The following SNRPD2 variants were observed in gnomAD, a reference collection of about 807,000 sequenced individuals.
SNRPD2 encodes the protein small nuclear ribonucleoprotein D2 polypeptide.
A neutral mutation model predicts 11.5 loss-of-function variants in SNRPD2; 1 was observed. That is an observed-to-expected ratio of 0.09 (90% CI 0.03 to 0.41). SNRPD2 has a LOEUF of 0.41. Ranked by LOEUF, SNRPD2 falls within the 10% of genes least tolerant of loss-of-function variation. SNRPD2 has a pLI of 0.98. For missense variants in SNRPD2, 77 were observed against 154.9 expected, an observed-to-expected ratio of 0.50 and a Z score of 2.67; for synonymous variants, 63 against 61.5, an observed-to-expected ratio of 1.02 and a Z score of -0.12.
rs1967451866 is a variant in SNRPD2 at position 45,687,938 on chromosome 19, T to G, written c.183-211A>C. On this transcript the variant is annotated intron_variant, in intron 2 of 2. Coordinates refer to ENST00000342669, the MANE Select transcript of SNRPD2 (RefSeq NM_001384647.1). This position sits in a 1 kb window ranked among gnomAD's most constrained non-coding sequence, Gnocchi z 4.1. ...CACCTCTCTGTGCCAGTTTGCTCCT[T>G]TTTAAGAGGGAAGATAATCACGTTA... Among the ~76,000 whole-genome samples, 2 of 152,186 alleles carry G rather than the reference T, an allele frequency of 1.3e-5. No individual in the cohort carries two copies. The highest frequency in any genetic ancestry group is 4.1e-4 in the South Asian group (2 of 4,834).
At position 45,691,872 on chromosome 19, in the gene SNRPD2, C is replaced by T; in HGVS notation, c.2+15G>A. On this transcript the variant is annotated intron_variant, in intron 1 of 2. Transcript: ENST00000342669. ...TCAACCTCATTCCCGCCGCCTAAGC[C>T]TAGCCCGGCCTCACATGATGGTCAC... is the stretch of plus-strand genomic sequence containing the variant. 6.2e-7 allele frequency: 1 copy of T among 1,614,184 alleles called. No individual in the cohort carries two copies. Among genetic ancestry groups the T allele is most frequent in the Non-Finnish European group, 8.5e-7 (1 of 1,180,012 alleles).
chr19:45,691,693 G>C lies in SNRPD2; in HGVS notation c.2+194C>G. The C allele has an allele frequency of 2.4e-5, 17 of 720,158 alleles. 1 individual carries two copies. The Admixed American group carries it at 2.5e-4, about 11-fold the overall frequency. 44.6% of individuals were successfully genotyped at this position (720,158 alleles called of 1,614,324 possible). On this transcript the variant is annotated intron_variant, in intron 1 of 2. Transcript: ENST00000342669. Reference sequence around the variant, plus strand: ...GCCCAGGGCGTTATCTGATAAAGCTGTCCCCTCTCCCGAAGTCACGATGCG... The same window carrying C: ...GCCCAGGGCGTTATCTGATAAAGCTCTCCCCTCTCCCGAAGTCACGATGCG...
chr19:45,689,023 G>A (rs183292553), intron 1 of SNRPD2, among the ~76,000 whole-genome samples: 15 of 152,196 alleles, frequency 9.9e-5, no homozygotes, highest in Admixed American at 7.2e-4. Flanking sequence ...GTGAGCCACC[G>A]TGCCCAGCCA....
chr19:45,688,275 G>T lies in SNRPD2; in HGVS notation c.182+112C>A. 1.1e-6 allele frequency: 1 copy of T among 895,320 alleles called. No homozygotes were observed. Among genetic ancestry groups the T allele is most frequent in the Non-Finnish European group, 1.7e-6 (1 of 572,574 alleles). 55.5% of individuals were successfully genotyped at this position (895,320 alleles called of 1,614,324 possible). A position where few individuals can be genotyped will look rare whatever the true frequency, so the allele number is the denominator to read the frequency against. On this transcript the variant is annotated intron_variant, in intron 2 of 2. Transcript: ENST00000342669. The surrounding 1 kb of genome is among the most constrained non-coding windows in gnomAD (Gnocchi z 4.1). The stretch of plus-strand genomic sequence containing the variant: ...TGGGATTACAGGCATGAGCCACCAC[G>T]CCTGGCCATACACCCCAGGCTTCTG...
intron 1 of SNRPD2, among the ~76,000 whole-genome samples, chr19:45,691,112 C>T (rs539728339): frequency 6.6e-6 from 1 of 152,262 alleles, no homozygotes; most frequent in Non-Finnish European, 1.5e-5. Context: ...TAACTTCCCT[C>T]CCCCATTATT....
At chr19:45,689,330 AG>A in intron 1 of SNRPD2, 1 of 517,718 alleles carries the variant, frequency 1.9e-6, no homozygotes, top group Non-Finnish European at 3.9e-6. Flanking sequence ...GAGTGGTCTG[AG>A]GGGGTTGTGC....
intron 1 of SNRPD2, chr19:45,689,179 C>T (rs535439955): frequency 1.5e-5 from 8 of 519,880 alleles, no homozygotes; most frequent in Non-Finnish European, 3.1e-5. Context: ...CAACTTGATT[C>T]CTCTTTTTCC....
chr19:45,691,553 T>G (rs1416469913), intron 1 of SNRPD2: 4 of 282,768 alleles, frequency 1.4e-5, no homozygotes, highest in African/African-American at 2.3e-5. Flanking sequence ...TTTTTTTTTG[T>G]AGAGACGGGG....
At chr19:45,690,890 G>T (rs939339260) in intron 1 of SNRPD2, among the ~76,000 whole-genome samples, 4 of 151,560 alleles carry the variant, frequency 2.6e-5, no homozygotes, top group African/African-American at 9.7e-5. Context: ...GGGGACTAGA[G>T]GTTTCATTCA....
Position 45,691,794 on chromosome 19 carries a change from C to T in SNRPD2, c.2+93G>A, listed in dbSNP as rs566139140. On this transcript the variant is annotated intron_variant, in intron 1 of 2. Coordinates refer to ENST00000342669, the MANE Select transcript of SNRPD2 (RefSeq NM_001384647.1). ...TGCATCCCTAAAACATCTGCCCCTGCCCCCCCCGCTCTGCTCAACCCTTCC... is the reference window on the plus strand; with the variant it reads ...TGCATCCCTAAAACATCTGCCCCTGTCCCCCCCGCTCTGCTCAACCCTTCC... 18 of 1,369,072 alleles carry T rather than the reference C, an allele frequency of 1.3e-5. No individual in the cohort carries two copies. The South Asian group carries it at 2.0e-4, about 15-fold the overall frequency. 84.8% of individuals were successfully genotyped at this position (1,369,072 alleles called of 1,614,324 possible). A position where few individuals can be genotyped will look rare whatever the true frequency, so the allele number is the denominator to read the frequency against.
At position 45,688,025 on chromosome 19, in the gene SNRPD2, TGCCCAG is replaced by T. The variant is rs1192812261; in HGVS notation, c.183-304_183-299del. Among the ~76,000 whole-genome samples the T allele has an allele frequency of 6.6e-6, 1 of 152,220 alleles. No homozygotes were observed. The highest frequency in any genetic ancestry group is 6.5e-5 in the Admixed American group (1 of 15,268). On this transcript the variant is annotated intron_variant, in intron 2 of 2. Transcript: ENST00000342669. The surrounding 1 kb of genome is among the most constrained non-coding windows in gnomAD (Gnocchi z 4.1). The stretch of plus-strand genomic sequence containing the variant: ...TTTTTGAGACAGAATCTCACTCTGT[TGCCCAG>T]GCTGCAATGCAGTGGTGCGATTTCA...
chr19:45,689,266 A>C (rs745511896), intron 1 of SNRPD2: 2 of 520,130 alleles, frequency 3.8e-6, no homozygotes, highest in Non-Finnish European at 7.7e-6. Context: ...CTGTCCTGGA[A>C]TCTTTCTGGT....
At position 45,689,932 on chromosome 19, in the gene SNRPD2, G is replaced by A. The variant is rs185328549; in HGVS notation, c.3-1366C>T. Among the ~76,000 whole-genome samples the A allele has an allele frequency of 2.9e-3, 436 of 152,074 alleles. 3 individuals are homozygous for A. The highest frequency in any genetic ancestry group is 9.9e-3 in the African/African-American group (411 of 41,462). On this transcript the variant is annotated intron_variant, in intron 1 of 2. Transcript: ENST00000342669. ...CATCCCTCTAGTCCCAGCTACTTGGGAGGCTGAGGCAGCAGAAACGCTTGA... is the reference window on the plus strand; with the variant it reads ...CATCCCTCTAGTCCCAGCTACTTGGAAGGCTGAGGCAGCAGAAACGCTTGA...
chr19:45,688,675 C>T lies in SNRPD2; in HGVS notation c.3-109G>A. 1.3e-6 allele frequency: 1 copy of T among 765,336 alleles called. No homozygotes were observed. The allele number at this position is 765,336 out of a possible 1,614,324, so 47.4% of individuals were successfully genotyped here. A position where few individuals can be genotyped will look rare whatever the true frequency, so the allele number is the denominator to read the frequency against. ...GGCTTCAGTGTCTCCCCAACCTTGT[C>T]CCACCACATCTGTCCTCCTGTTCAG... On this transcript the variant is annotated intron_variant, in intron 1 of 2. Transcript: ENST00000342669. The surrounding 1 kb of genome is among the most constrained non-coding windows in gnomAD (Gnocchi z 4.1).
upstream of SNRPD2, chr19:45,692,054 G>A: frequency 6.4e-7 from 1 of 1,559,964 alleles, no homozygotes; most frequent in Non-Finnish European, 8.7e-7. Flanking sequence ...CCCACCAACG[G>A]TGCACAATGA....
At position 45,687,778 on chromosome 19, in the gene SNRPD2, A is replaced by C. The variant is rs1229921645; in HGVS notation, c.183-51T>G. 1 of 1,450,688 alleles carries C rather than the reference A, an allele frequency of 6.9e-7. No individual in the cohort carries two copies. The highest frequency in any genetic ancestry group is 1.4e-5 in the African/African-American group (1 of 71,976). 89.9% of individuals were successfully genotyped at this position (1,450,688 alleles called of 1,614,324 possible). A position where few individuals can be genotyped will look rare whatever the true frequency, so the allele number is the denominator to read the frequency against. ...ACTGGGCGTGAGGGGCGTGCCTCTG[A>C]CAGTGCCCCCTACTGCCTGCTGCTC... On this transcript the variant is annotated intron_variant, in intron 2 of 2. Transcript: ENST00000342669. The surrounding 1 kb of genome is among the most constrained non-coding windows in gnomAD (Gnocchi z 4.1).
At chr19:45,689,356 T>C (rs1293623749) in intron 1 of SNRPD2, 1 of 504,548 alleles carries the variant, frequency 2.0e-6, no homozygotes, top group Non-Finnish European at 4.0e-6. Context: ...ACCTAAATCA[T>C]AACATGTCAC....
At chr19:45,692,079 C>T, upstream of SNRPD2, 1 of 1,491,630 alleles carries the variant, frequency 6.7e-7, no homozygotes, top group East Asian at 2.4e-5. Flanking sequence ...ATAAAAGCTT[C>T]GGGTAGGGGT....
chr19:45,691,990 C>T, upstream of SNRPD2: 1 of 1,611,410 alleles, frequency 6.2e-7, no homozygotes. Flanking sequence ...CTTCCGTTGG[C>T]GCCTGCGCAA....
Sources: allele counts gnomAD v4.1 joint callset (sites outside exome capture counted in the v4.1 genomes callset), GRCh38; gene constraint gnomAD v4.1.1; non-coding constraint Gnocchi (gnomAD v3.1); transcripts MANE v1.5; gene names NCBI Gene and HGNC (gene_info 2026-07-23, HGNC 2026-07-21).